The following N4BP2L2 variants were observed in gnomAD, a reference collection of about 807,000 sequenced individuals.
N4BP2L2 encodes the protein NEDD4-binding protein 2-like 2.
In N4BP2L2, 50 loss-of-function variants were observed where a neutral mutation model predicts 56.2. That is an observed-to-expected ratio of 0.89 (90% CI 0.71 to 1.13). The LOEUF (loss-of-function observed/expected upper bound fraction) is 1.13, where lower values mean the gene tolerates loss of function less well. Among genes scored for constraint, N4BP2L2 ranks in the 50% most tolerant of loss-of-function variants. N4BP2L2 has a pLI of 0.00. For missense variants in N4BP2L2, 689 were observed against 693.8 expected (o/e 0.99, Z 0.08); for synonymous variants, 203 against 223.6 (o/e 0.91, Z 0.82).
chr13:32,474,507 C>T (rs921181009), intron 6 of N4BP2L2, among the ~76,000 whole-genome samples: 4 of 149,132 alleles, frequency 2.7e-5, no homozygotes, highest in South Asian at 2.1e-4. Context: ...CTGGCCGACA[C>T]GGTGAAACCC....
chr13:32,532,215 T>C (rs1033959657), intron 2 of N4BP2L2, among the ~76,000 whole-genome samples: 1 of 152,206 alleles, frequency 6.6e-6, no homozygotes, highest in South Asian at 2.1e-4. Flanking sequence ...CAGCCTACCA[T>C]TGCAAATATC....
chr13:32,472,250 T>C (rs1464372250), intron 6 of N4BP2L2, among the ~76,000 whole-genome samples: 1 of 152,186 alleles, frequency 6.6e-6, no homozygotes, highest in Non-Finnish European at 1.5e-5. Context: ...TTTATAAACC[T>C]AAAACTGTCC....
chr13:32,498,387 C>A (rs2089249198), intron 6 of N4BP2L2, among the ~76,000 whole-genome samples: 1 of 152,192 alleles, frequency 6.6e-6, no homozygotes, highest in South Asian at 2.1e-4. Context: ...CGTTCTGTTG[C>A]CCAGGCTGGA....
chr13:32,521,854 T>TA (rs2051036487), intron 4 of N4BP2L2: 1 of 295,780 alleles, frequency 3.4e-6, no homozygotes, highest in African/African-American at 2.3e-5. Flanking sequence ...CAGGCACCTA[T>TA]AATCTCAGCT....
chr13:32,434,248 C>CTTTTTTTTTTTTTTT (rs369328452), intron 9 of N4BP2L2, among the ~76,000 whole-genome samples: 3 of 112,036 alleles, frequency 2.7e-5, no homozygotes, highest in South Asian at 3.3e-4. Flanking sequence ...AGCTAATTTT[C>CTTTTTTTTTTTTTTT]TTTTTTTCTT....
At chr13:32,439,776 G>T (rs916410249) in intron 7 of N4BP2L2, among the ~76,000 whole-genome samples, 3 of 151,492 alleles carry the variant, frequency 2.0e-5, no homozygotes, top group Non-Finnish European at 2.9e-5. Flanking sequence ...ACTTTGGGAG[G>T]CCGAGGTGGG....
chr13:32,479,323 G>A (rs1342303894), intron 6 of N4BP2L2, among the ~76,000 whole-genome samples: 1 of 151,906 alleles, frequency 6.6e-6, no homozygotes, highest in Non-Finnish European at 1.5e-5. Flanking sequence ...CTGGAGTGCA[G>A]TGGCATGATC....
intron 6 of N4BP2L2, among the ~76,000 whole-genome samples, chr13:32,458,789 A>G (rs2079460440): frequency 6.6e-6 from 1 of 152,240 alleles, no homozygotes; most frequent in Non-Finnish European, 1.5e-5. Flanking sequence ...GACCAAATGG[A>G]CCTAACAGAT....
exon 7 of N4BP2L2, chr13:32,443,579 A>C (rs1261713294): frequency 6.2e-7 from 1 of 1,611,604 alleles, no homozygotes; most frequent in Non-Finnish European, 8.5e-7. Context: ...TTCTTCATAA[A>C]TAAGCATGAA....
chr13:32,481,048 G>A (rs2084571489), intron 6 of N4BP2L2, among the ~76,000 whole-genome samples: 1 of 130,512 alleles, frequency 7.7e-6, no homozygotes, highest in African/African-American at 3.0e-5. Context: ...GAACCGAGGA[G>A]GCAAAGGTTG....
chr13:32,447,409 C>G (rs1292723555), intron 6 of N4BP2L2, among the ~76,000 whole-genome samples: 1 of 151,428 alleles, frequency 6.6e-6, no homozygotes, highest in East Asian at 1.9e-4. Flanking sequence ...AGTTAATTCA[C>G]TCATGGGGTG....
chr13:32,524,396 C>T (rs1242140625), intron 3 of N4BP2L2: 1 of 152,140 alleles, frequency 6.6e-6, no homozygotes, highest in Non-Finnish European at 1.5e-5. Context: ...ATCTTCTTTC[C>T]ATTATCATCC....
chr13:32,454,957 A>T (rs1464882678), intron 6 of N4BP2L2, among the ~76,000 whole-genome samples: 1 of 152,034 alleles, frequency 6.6e-6, no homozygotes, highest in Non-Finnish European at 1.5e-5. Flanking sequence ...ATGACCACAG[A>T]CTCTTGCAAC....
At chr13:32,498,658 T>C (rs535795852) in intron 6 of N4BP2L2, among the ~76,000 whole-genome samples, 2 of 152,158 alleles carry the variant, frequency 1.3e-5, no homozygotes, top group South Asian at 4.2e-4. Context: ...ATCACTTCTT[T>C]ATTATACATT....
chr13:32,475,070 T>G (rs751304215), intron 6 of N4BP2L2, among the ~76,000 whole-genome samples: 1 of 152,198 alleles, frequency 6.6e-6, no homozygotes, highest in Non-Finnish European at 1.5e-5. Context: ...ATGCAGAAAC[T>G]GTTAAAATTT....
intron 6 of N4BP2L2, among the ~76,000 whole-genome samples, chr13:32,471,573 G>T (rs1482210256): frequency 6.6e-6 from 1 of 152,244 alleles, no homozygotes; most frequent in Admixed American, 6.5e-5. Flanking sequence ...GGGAGCCAAG[G>T]CTCGGCTCGT....
chr13:32,489,113 C>T (rs2139296899), intron 6 of N4BP2L2, among the ~76,000 whole-genome samples: 1 of 152,218 alleles, frequency 6.6e-6, no homozygotes, highest in South Asian at 2.1e-4. Context: ...AACAGAAATA[C>T]CCTGTGTGCA....
intron 6 of N4BP2L2, among the ~76,000 whole-genome samples, chr13:32,486,739 C>A (rs1047253230): frequency 1.3e-5 from 2 of 151,966 alleles, no homozygotes; most frequent in Non-Finnish European, 2.9e-5. Context: ...GTGGCTCCCA[C>A]CTGTAATCCC....
intron 6 of N4BP2L2, chr13:32,478,237 T>G (rs2083767016): frequency 2.8e-6 from 1 of 358,600 alleles, no homozygotes; most frequent in African/African-American, 2.1e-5. Context: ...CCACTGCAGG[T>G]GTAATTTACG....
Sources: allele counts gnomAD v4.1 joint callset (sites outside exome capture counted in the v4.1 genomes callset), GRCh38; gene constraint gnomAD v4.1.1; transcripts MANE v1.5; gene names NCBI Gene and HGNC (gene_info 2026-07-23, HGNC 2026-07-21).